TSPYL2: variants seen among roughly 807,000 people sequenced by gnomAD.
TSPYL2 encodes TSPY like 2.
A neutral mutation model predicts 33.0 loss-of-function variants in TSPYL2; 9 were observed. The observed-to-expected ratio is 0.27, with a 90% CI of 0.16 to 0.48. TSPYL2 has a LOEUF of 0.48. Among genes scored for constraint, TSPYL2 ranks in the 20% least tolerant of loss-of-function variants. The pLI is 0.99. For missense variants in TSPYL2, 636 were observed against 586.2 expected, an observed-to-expected ratio of 1.08 and a Z score of -0.88; for synonymous variants, 330 against 233.6, an observed-to-expected ratio of 1.41 and a Z score of -3.77.
chrX:53,084,250 C>T (rs1932701791), intron 1 of TSPYL2, among the ~76,000 whole-genome samples: 1 of 112,286 alleles, frequency 8.9e-6, no homozygotes, highest in Non-Finnish European at 1.9e-5. Context: ...TACAGCATCA[C>T]TTGGACATGG....
rs782562823 is a variant in TSPYL2 at position 53,084,810 on chromosome X, C to T, written c.941C>T (p.Thr314Ile). The part of the protein sequence containing the change: ...MGYKMKLYFQ[T>I]NPYFTNMVIV... ...TACAAAATGAAGCTGTACTTCCAGA[C>T]TAACCCCTACTTCACAAACATGGTG... The change falls in exon 3 of 7, where the codon ACT (threonine) becomes ATT (isoleucine). Residue 314 changes from threonine to isoleucine, a missense_variant. By Grantham distance (89) the Thr-to-Ile change is moderately conservative. Transcript: ENST00000375442. 8.3e-7 allele frequency: 1 copy of T among 1,211,499 alleles called. No homozygotes were observed. Among genetic ancestry groups the T allele is most frequent in the Non-Finnish European group, 1.1e-6 (1 of 895,401 alleles).
chrX:53,085,776 T>C lies in TSPYL2; in HGVS notation c.1384T>C (p.Phe462Leu), dbSNP rs985376172. 2.6e-5 allele frequency: 32 copies of C among 1,211,509 alleles called. No homozygotes were observed. Among genetic ancestry groups the C allele is most frequent in the Non-Finnish European group, 3.6e-5 (32 of 895,514 alleles). The stretch of plus-strand genomic sequence containing the variant: ...TGACTTCATGGAGACCACCGACTAC[T>C]TCGAGACCACTGACAATGAGATAAC... ...ISDFMETTDY[F>L]ETTDNEITDI... Residue 462 changes from phenylalanine to leucine, a missense_variant, in exon 6 of 7, where the codon TTC (phenylalanine) becomes CTC (leucine). By Grantham distance (22) the Phe-to-Leu change is conservative. Transcript: ENST00000375442.
At position 53,084,948 on chromosome X, in the gene TSPYL2, C is replaced by T. The variant is rs782125796; in HGVS notation, c.998-6C>T. 25 of 1,207,960 alleles carry T rather than the reference C, an allele frequency of 2.1e-5. No homozygotes were observed. The East Asian group carries it at 6.8e-4, about 33-fold the overall frequency. ...GTCCCATCTCCATAGCCTTCTCTCTCCCTAGGCCGGCTGGTGTCTCACTCA... is the reference window on the plus strand; with the variant it reads ...GTCCCATCTCCATAGCCTTCTCTCTTCCTAGGCCGGCTGGTGTCTCACTCA... On this transcript the variant is annotated splice_region_variant and splice_polypyrimidine_tract_variant and intron_variant, in intron 3 of 6. Transcript: ENST00000375442.
rs1932791568 is a variant in TSPYL2 at position 53,088,021 on chromosome X, G to A, written c.*82G>A. ...CCCTCCTCCTCAGCTAGGGCCACGC[G>A]GCCCCACATTGCACTTCTGGGGGGT... is the stretch of plus-strand genomic sequence containing the variant. On this transcript the variant is annotated 3_prime_UTR_variant, in exon 7 of 7. Coordinates refer to ENST00000375442, the MANE Select transcript of TSPYL2 (RefSeq NM_022117.4). 2.0e-6 allele frequency: 2 copies of A among 993,476 alleles called. No individual in the cohort carries two copies. The highest frequency in any genetic ancestry group is 2.2e-5 in the South Asian group (1 of 46,099). The allele number at this position is 993,476 out of a possible 1,213,427, so 81.9% of individuals were successfully genotyped here.
At chrX:53,085,167 AGAG>A (rs1232098329) in intron 4 of TSPYL2, 57 bp from the exon 5 acceptor site, 2 of 1,184,398 alleles carry the variant, frequency 1.7e-6, no homozygotes, top group Non-Finnish European at 2.3e-6. Context: ...TGGGGAATTA[AGAG>A]GAGGATCTGG....
chrX:53,084,547 C>T lies in TSPYL2; in HGVS notation c.810C>T (p.Phe270=), dbSNP rs782169561. Reference sequence around the variant, plus strand: ...ACCTAAACTGCTCCACTCATCAGTTCCTCAACCACCCCAGAATTTCAATTT... The same window carrying T: ...ACCTAAACTGCTCCACTCATCAGTTTCTCAACCACCCCAGAATTTCAATTT... ...QHIPGFWVKA[F]LNHPRISILI... Residue 270 remains phenylalanine, a splice_region_variant and synonymous_variant, in exon 2 of 7, where the codon TTC becomes TTT. Transcript: ENST00000375442. 6 of 1,166,704 alleles carry T rather than the reference C, an allele frequency of 5.1e-6. No homozygotes were observed. Among genetic ancestry groups the T allele is most frequent in the Admixed American group, 2.4e-5 (1 of 40,955 alleles).
chrX:53,087,961 C>T lies in TSPYL2; in HGVS notation c.*22C>T, dbSNP rs1186063144. ...ATAAGGGTTTTCCCCTTTTGGGGATCACCTCTCTGTATCCCCCACCCACTA... is the reference window on the plus strand; with the variant it reads ...ATAAGGGTTTTCCCCTTTTGGGGATTACCTCTCTGTATCCCCCACCCACTA... On this transcript the variant is annotated 3_prime_UTR_variant, in exon 7 of 7. Transcript: ENST00000375442. 37 of 1,199,698 alleles carry T rather than the reference C, an allele frequency of 3.1e-5. No homozygotes were observed. Among genetic ancestry groups the T allele is most frequent in the Non-Finnish European group, 4.2e-5 (37 of 887,387 alleles).
intron 5 of TSPYL2, 78 bp downstream of exon 5, chrX:53,085,399 CA>C: frequency 1.1e-6 from 1 of 882,371 alleles, no homozygotes; most frequent in Non-Finnish European, 1.6e-6. Flanking sequence ...TTTATGGAGC[CA>C]AAAAGGGACC....
Position 53,085,813 on chromosome X carries a change from A to G in TSPYL2, c.1421A>G (p.Glu474Gly). Residue 474 changes from glutamate to glycine, a missense_variant, in exon 6 of 7, where the codon GAG (glutamate) becomes GGG (glycine). Transcript: ENST00000375442. ...TTDNEITDINENICDSENPDH... is the reference protein window; with the variant it reads ...TTDNEITDINGNICDSENPDH... Reference sequence around the variant, plus strand: ...GACAATGAGATAACTGACATCAATGAGAACATCTGCGACAGCGAGAATCCT... The same window carrying G: ...GACAATGAGATAACTGACATCAATGGGAACATCTGCGACAGCGAGAATCCT... 8.3e-7 allele frequency: 1 copy of G among 1,211,920 alleles called. No homozygotes were observed. The highest frequency in any genetic ancestry group is 1.1e-6 in the Non-Finnish European group (1 of 895,582).
rs1297891634 is a variant in TSPYL2, at chrX:53,088,423, C to G, written c.*484C>G. The G allele has an allele frequency of 8.3e-6, 1 of 120,138 alleles. No homozygotes were observed. Among genetic ancestry groups the G allele is most frequent in the Non-Finnish European group, 1.7e-5 (1 of 57,498 alleles). The allele number at this position is 120,138 out of a possible 1,213,427, so 9.9% of individuals were successfully genotyped here. A position where few individuals can be genotyped will look rare whatever the true frequency, so the allele number is the denominator to read the frequency against. On this transcript the variant is annotated 3_prime_UTR_variant, in exon 7 of 7. Coordinates refer to ENST00000375442, the MANE Select transcript of TSPYL2 (RefSeq NM_022117.4). ...CCGCGCCGCTAGCCCGCCTCGGTGT[C>G]TATGCAAGGCCGCTTCGCCATTGCG... is the stretch of plus-strand genomic sequence containing the variant.
In TSPYL2 at chrX:53,085,855, CCAA is replaced by C. The variant is rs782184178; in HGVS notation, c.1468_1470del (p.Asn490del). ...GAGAATCCTGACCACAATGAGGTCCCCAACAACGAGACCACTGATAACAACGAG... is the reference window on the plus strand; with the variant it reads ...GAGAATCCTGACCACAATGAGGTCCCCAACGAGACCACTGATAACAACGAG... On this transcript the variant is annotated inframe_deletion, in exon 6 of 7. Coordinates refer to ENST00000375442, the MANE Select transcript of TSPYL2 (RefSeq NM_022117.4). 1.4e-5 allele frequency: 17 copies of C among 1,208,957 alleles called. 1 individual carries two copies. Among genetic ancestry groups the C allele is most frequent in the African/African-American group, 7.0e-5 (4 of 56,800 alleles).
intron 6 of TSPYL2, chrX:53,086,900 A>AGGCTCTGAGAATAACACGAGAAT (rs1932776432): frequency 8.4e-6 from 1 of 118,925 alleles, no homozygotes; most frequent in African/African-American, 3.3e-5. Context: ...AAGGGTGAAA[A>AGGCTCTGAGAATAACACGAGAAT]TGCATCGTAG....
intron 6 of TSPYL2, chrX:53,086,600 C>T (rs1224541525): frequency 5.4e-6 from 2 of 371,496 alleles, no homozygotes; most frequent in Non-Finnish European, 9.4e-6. Context: ...AAGGACACTT[C>T]ACATCGAGGT....
intron 6 of TSPYL2, 178 bp downstream of exon 6, chrX:53,086,488 A>C: frequency 2.1e-6 from 1 of 471,546 alleles, no homozygotes; most frequent in Non-Finnish European, 3.7e-6. Context: ...AAATGTAACA[A>C]AACCCCAAAA....
At chrX:53,086,533 G>T in intron 6 of TSPYL2, 1 of 435,241 alleles carries the variant, frequency 2.3e-6, no homozygotes, top group Non-Finnish European at 4.0e-6. Context: ...ATAGATGGTT[G>T]TAACAGCAGA....
rs1932631174 is a variant in TSPYL2 at position 53,082,397 on chromosome X, T to G, written c.-102T>G. 1.7e-5 allele frequency: 14 copies of G among 810,752 alleles called. No individual in the cohort carries two copies. The highest frequency in any genetic ancestry group is 2.3e-5 in the Non-Finnish European group (14 of 600,847). 66.8% of individuals were successfully genotyped at this position (810,752 alleles called of 1,213,427 possible). On this transcript the variant is annotated 5_prime_UTR_variant, in exon 1 of 7. Transcript: ENST00000375442. Reference sequence around the variant, plus strand: ...GAGGTGGTGAGGAGAGCTGGTTGCGTGAGTCTCCTCAGCTCTGCTTACCGG... The same window carrying G: ...GAGGTGGTGAGGAGAGCTGGTTGCGGGAGTCTCCTCAGCTCTGCTTACCGG...
chrX:53,086,295 G>A lies in TSPYL2; in HGVS notation c.1903G>A (p.Glu635Lys). ...EIISDESVEE[E>K]GIEEGIQQDE... is the part of the protein sequence containing the mutation. ...CATCTCAGACGAATCAGTGGAAGAA[G>A]AGGGCATTGAGGAAGGTGAGCTAAT... Residue 635 changes from glutamate (E) to lysine (K), a missense_variant, in exon 6 of 7, where the codon GAG becomes AAG. Around this residue, in one of 3 missense-constraint regions of TSPYL2, gnomAD observed 401 missense variants for 363.0 expected, o/e 1.10. Coordinates refer to ENST00000375442, the MANE Select transcript of TSPYL2 (RefSeq NM_022117.4). 1.7e-6 allele frequency: 2 copies of A among 1,207,727 alleles called. No individual in the cohort carries two copies. Among genetic ancestry groups the A allele is most frequent in the Non-Finnish European group, 1.1e-6 (1 of 894,019 alleles).
chrX:53,087,204 G>A (rs1337527094), intron 6 of TSPYL2: 1 of 112,133 alleles, frequency 8.9e-6, no homozygotes, highest in African/African-American at 3.3e-5. Context: ...AGGGCACTAA[G>A]GGAAGAGGAA....
In TSPYL2 at chrX:53,082,824, C is replaced by T. The variant is rs2146693835; in HGVS notation, c.326C>T (p.Pro109Leu). 8.3e-7 allele frequency: 1 copy of T among 1,203,752 alleles called. No homozygotes were observed. Among genetic ancestry groups the T allele is most frequent in the Non-Finnish European group, 1.1e-6 (1 of 891,996 alleles). ...STIESGYGEA[P>L]PPTESLEALP... ...ATCGAGTCGGGGTATGGGGAGGCGC[C>T]CCCGCCCACGGAGAGCCTGGAAGCA... Residue 109 changes from proline (P) to leucine (L), a missense_variant, in exon 1 of 7, where the codon CCC becomes CTC. Coordinates refer to ENST00000375442, the MANE Select transcript of TSPYL2 (RefSeq NM_022117.4).
Sources: allele counts gnomAD v4.1 joint callset (sites outside exome capture counted in the v4.1 genomes callset), GRCh38; gene constraint gnomAD v4.1.1; regional missense constraint gnomAD v4.1.1; transcripts MANE v1.5; gene names NCBI Gene and HGNC (gene_info 2026-07-23, HGNC 2026-07-21).